MARCHF1: variants seen among roughly 807,000 people sequenced by gnomAD.
MARCHF1 encodes membrane associated ring-CH-type finger 1.
A neutral mutation model predicts 54.2 loss-of-function variants in MARCHF1; 40 were observed. The ratio of observed to expected loss-of-function variants is 0.74; its 90% confidence interval spans 0.57 to 0.96. The LOEUF (loss-of-function observed/expected upper bound fraction) is 0.96, where lower values mean the gene tolerates loss of function less well. Ranked by LOEUF, MARCHF1 falls within the 40% of genes least tolerant of loss-of-function variation. MARCHF1 has a pLI of 0.00. For missense variants in MARCHF1, 586 were observed against 656.5 expected (o/e 0.89, Z 1.17); for synonymous variants, 236 against 236.3 (o/e 1.00, Z 0.01).
chr4:164,228,644 C>T (rs1427049404), intron 1 of MARCHF1, among the ~76,000 whole-genome samples: 1 of 152,156 alleles, frequency 6.6e-6, no homozygotes, highest in East Asian at 1.9e-4. Flanking sequence ...TGAGGGAATT[C>T]ATGGCCCTTT....
At chr4:164,360,566 C>G (rs1177760408) in intron 1 of MARCHF1, among the ~76,000 whole-genome samples, 1 of 152,094 alleles carries the variant, frequency 6.6e-6, no homozygotes, top group Non-Finnish European at 1.5e-5. Context: ...TGTACATAGG[C>G]ATCACCCAAA....
intron 2 of MARCHF1, among the ~76,000 whole-genome samples, chr4:164,051,444 A>G (rs866406428): frequency 6.6e-6 from 1 of 152,150 alleles, no homozygotes; most frequent in Non-Finnish European, 1.5e-5. Context: ...GTAGCAAATA[A>G]ACCAAAATAG....
chr4:164,123,134 T>C (rs1445562933), intron 1 of MARCHF1, among the ~76,000 whole-genome samples: 11 of 152,068 alleles, frequency 7.2e-5, no homozygotes, highest in Admixed American at 6.6e-4. Context: ...AAAATGAACA[T>C]AGAAAAACCA....
At chr4:163,991,624 T>C (rs1368396495) in intron 2 of MARCHF1, among the ~76,000 whole-genome samples, 2 of 152,200 alleles carry the variant, frequency 1.3e-5, no homozygotes, top group African/African-American at 4.8e-5. Context: ...TGACAGACAC[T>C]GGCCAGAATA....
intron 1 of MARCHF1, among the ~76,000 whole-genome samples, chr4:164,297,488 A>G (rs527285889): frequency 6.6e-6 from 1 of 152,200 alleles, no homozygotes; most frequent in African/African-American, 2.4e-5. Context: ...GAGACATGCT[A>G]TGAATAGCTG....
intron 5 of MARCHF1, among the ~76,000 whole-genome samples, chr4:163,630,561 C>A (rs1414499350): frequency 1.3e-5 from 2 of 152,254 alleles, no homozygotes; most frequent in East Asian, 3.9e-4. Flanking sequence ...GTCTATTGTC[C>A]TATCCATTCT....
chr4:164,169,607 C>CAAA (rs1012858071), intron 1 of MARCHF1, among the ~76,000 whole-genome samples: 1 of 151,986 alleles, frequency 6.6e-6, no homozygotes, highest in African/African-American at 2.4e-5. Flanking sequence ...CATAAACCCC[C>CAAA]AAAAGAGAAA....
intron 3 of MARCHF1, among the ~76,000 whole-genome samples, chr4:163,950,550 C>T (rs1259444289): frequency 6.6e-6 from 1 of 152,148 alleles, no homozygotes; most frequent in Non-Finnish European, 1.5e-5. Flanking sequence ...CAGCGGTGCT[C>T]AGGAGGGTGG....
At chr4:163,641,499 A>G (rs1742554734) in intron 5 of MARCHF1, among the ~76,000 whole-genome samples, 1 of 152,208 alleles carries the variant, frequency 6.6e-6, no homozygotes, top group African/African-American at 2.4e-5. Flanking sequence ...TAATTACCAC[A>G]TATAAGACGA....
chr4:163,670,040 T>G (rs1424110392), intron 5 of MARCHF1, among the ~76,000 whole-genome samples: 1 of 152,108 alleles, frequency 6.6e-6, no homozygotes, highest in Non-Finnish European at 1.5e-5. Flanking sequence ...AATTACTTAG[T>G]CTGTAATTAC....
intron 2 of MARCHF1, among the ~76,000 whole-genome samples, chr4:164,009,304 A>G (rs570106057): frequency 2.6e-5 from 4 of 152,282 alleles, no homozygotes; most frequent in African/African-American, 9.6e-5. Flanking sequence ...GAGCCATAAT[A>G]ACAAGTCTCT....
chr4:163,838,503 A>T (rs1749253085), intron 4 of MARCHF1, among the ~76,000 whole-genome samples: 1 of 152,110 alleles, frequency 6.6e-6, no homozygotes, highest in African/African-American at 2.4e-5. Context: ...TGTTTTAGAA[A>T]ATAAGTGGAT....
intron 8 of MARCHF1, among the ~76,000 whole-genome samples, chr4:163,564,708 T>C (rs553557206): frequency 1.3e-5 from 2 of 152,310 alleles, no homozygotes; most frequent in South Asian, 2.1e-4. Flanking sequence ...AGGATTAGGT[T>C]TTAAAAAGCT....
chr4:163,589,317 G>T (rs964604964), intron 7 of MARCHF1, among the ~76,000 whole-genome samples: 1 of 151,940 alleles, frequency 6.6e-6, no homozygotes, highest in Non-Finnish European at 1.5e-5. Flanking sequence ...AAAAATTTCT[G>T]CTAAAACTAC....
intron 1 of MARCHF1, among the ~76,000 whole-genome samples, chr4:164,268,633 T>C (rs1389138411): frequency 2.0e-5 from 3 of 152,134 alleles, no homozygotes; most frequent in Non-Finnish European, 4.4e-5. Context: ...GCTCTTCCAA[T>C]AATAGCATAA....
At position 164,176,968 on chromosome 4, in the gene MARCHF1, CTCTCTCTCTCTCTATA is replaced by C. The variant is rs1310863774; in HGVS notation, c.-322-65322_-322-65307del. Among the ~76,000 whole-genome samples, 69 of 43,332 alleles carry C rather than the reference CTCTCTCTCTCTCTATA, an allele frequency of 1.6e-3. 1 individual carries two copies. Among genetic ancestry groups the C allele is most frequent in the African/African-American group, 6.2e-3 (59 of 9,444 alleles). 28.4% of individuals were successfully genotyped at this position (43,332 alleles called of 152,430 possible). A position where few individuals can be genotyped will look rare whatever the true frequency, so the allele number is the denominator to read the frequency against. ...TCTCTCTCTCTCTCTCTCTCTCTCTCTCTCTCTCTCTCTATATATATATATATATATATATATATAT... is the reference window on the plus strand; with the variant it reads ...TCTCTCTCTCTCTCTCTCTCTCTCTCTATATATATATATATATATATATAT... On this transcript the variant is annotated intron_variant, in intron 1 of 9. Coordinates refer to ENST00000514618, the MANE Select transcript of MARCHF1 (RefSeq NM_001394959.1).
At chr4:163,755,525 C>A (rs1055637882) in intron 4 of MARCHF1, among the ~76,000 whole-genome samples, 1 of 152,130 alleles carries the variant, frequency 6.6e-6, no homozygotes, top group African/African-American at 2.4e-5. Context: ...AAACTTAACC[C>A]CAGCAGTGAA....
intron 8 of MARCHF1, among the ~76,000 whole-genome samples, chr4:163,570,242 CCTTAAAGTG>C (rs1172508524): frequency 3.9e-5 from 6 of 151,936 alleles, no homozygotes; most frequent in African/African-American, 1.5e-4. Flanking sequence ...CTCTTGTTGG[CCTTAAAGTG>C]GATTCAATGC....
intron 8 of MARCHF1, among the ~76,000 whole-genome samples, chr4:163,575,896 C>T (rs952992837): frequency 6.6e-6 from 1 of 151,852 alleles, no homozygotes; most frequent in African/African-American, 2.4e-5. Flanking sequence ...GTAATGTCAC[C>T]TTTGTTGTTT....
Sources: gnomAD v4.1 joint callset for allele counts (sites outside exome capture counted in the v4.1 genomes callset) on GRCh38, gnomAD v4.1.1 for gene constraint, MANE v1.5 for transcripts, NCBI Gene and HGNC (gene_info 2026-07-23, HGNC 2026-07-21) for gene names.